RFLNA: variants seen among roughly 807,000 people sequenced by gnomAD.
The protein encoded by RFLNA is refilin A.
In RFLNA, 5 loss-of-function variants were observed where a neutral mutation model predicts 7.8. The observed-to-expected ratio is 0.64, with a 90% CI of 0.34 to 1.35. RFLNA has a LOEUF of 1.35. Ranked by LOEUF, RFLNA falls within the 40% of genes most tolerant of loss-of-function variation. The pLI, the probability that RFLNA is intolerant of heterozygous loss-of-function variation, is 0.04. For missense variants in RFLNA, 278 were observed against 305.5 expected (o/e 0.91, Z 0.67); for synonymous variants, 141 against 131.3 (o/e 1.07, Z -0.50).
intron 1 of RFLNA, among the ~76,000 whole-genome samples, chr12:124,310,544 A>G (rs796467519): frequency 3.2e-4 from 29 of 91,992 alleles, no homozygotes; most frequent in South Asian, 1.1e-3. Flanking sequence ...AGGATGGGGT[A>G]GGGGTCCTTA....
intron 2 of RFLNA, among the ~76,000 whole-genome samples, chr12:124,313,898 G>T (rs1343343051): frequency 2.0e-5 from 3 of 152,170 alleles, no homozygotes; most frequent in Non-Finnish European, 2.9e-5. Context: ...ACACGACACG[G>T]CTCAGTTTCA....
At chr12:124,290,279 T>A (rs546381593), upstream of RFLNA, among the ~76,000 whole-genome samples, 1 of 152,322 alleles carries the variant, frequency 6.6e-6, no homozygotes, top group East Asian at 1.9e-4. This position sits in a 1 kb window ranked among gnomAD's most constrained non-coding sequence, Gnocchi z 4.0. Context: ...TGTGTGTATA[T>A]GTATGTATGT....
At chr12:124,311,737 G>A (rs1212072767) in intron 1 of RFLNA, 81 bp from the exon 2 acceptor site, 2 of 1,288,280 alleles carry the variant, frequency 1.6e-6, no homozygotes, top group Admixed American at 3.1e-5. Context: ...AGGGTGTCAG[G>A]TGGTCCTGTG....
At chr12:124,304,919 G>A (rs1234341726) in intron 1 of RFLNA, among the ~76,000 whole-genome samples, 2 of 152,242 alleles carry the variant, frequency 1.3e-5, no homozygotes, top group East Asian at 3.8e-4. Context: ...GCACACAGTA[G>A]GTGCTCAGCA....
Position 124,311,897 on chromosome 12 carries a change from A to G in RFLNA, c.287A>G (p.Lys96Arg), listed in dbSNP as rs766669716. The change falls in exon 2 of 3, where the codon AAG becomes AGG. Residue 96 changes from lysine to arginine, a missense_variant. Coordinates refer to ENST00000546355, the MANE Select transcript of RFLNA (RefSeq NM_001365156.1). ...CCAGTGTTCTTTGGGGAGAGCATCA[A>G]GGTGAACCCGGAACCCACGCATGAG... ...MLPVFFGESI[K>R]VNPEPTHEIR... The G allele has an allele frequency of 6.4e-6, 10 of 1,571,420 alleles. No homozygotes were observed. Among genetic ancestry groups the G allele is most frequent in the East Asian group, 5.0e-5 (2 of 40,360 alleles).
intron 2 of RFLNA, 80 bp downstream of exon 2, chr12:124,312,007 G>T (rs575633819): frequency 1.4e-6 from 2 of 1,428,792 alleles, no homozygotes; most frequent in African/African-American, 1.5e-5. Context: ...TGGGATGGGG[G>T]TGGGGACTAG....
intron 1 of RFLNA, among the ~76,000 whole-genome samples, chr12:124,309,072 G>A (rs2034189092): frequency 1.3e-5 from 2 of 152,206 alleles, no homozygotes; most frequent in African/African-American, 2.4e-5. Flanking sequence ...CCCAGGGCAT[G>A]GCCTGCATGC....
intron 2 of RFLNA, among the ~76,000 whole-genome samples, chr12:124,312,322 T>TTC (rs928629080): frequency 5.3e-5 from 8 of 151,774 alleles, no homozygotes; most frequent in Non-Finnish European, 1.2e-4. Context: ...CCAGATTTTT[T>TTC]TTTTTTTTGA....
intron 2 of RFLNA, among the ~76,000 whole-genome samples, chr12:124,312,957 C>G (rs77967039): frequency 0.02 from 3,088 of 152,282 alleles, 108 homozygotes; most frequent in African/African-American, 0.07. Context: ...CTATGGGGCT[C>G]TCTCCATCCA....
In RFLNA at chr12:124,311,861, C is replaced by T. The variant is rs774438403; in HGVS notation, c.251C>T (p.Pro84Leu). The T allele has an allele frequency of 3.7e-6, 6 of 1,602,250 alleles. No homozygotes were observed. The Admixed American group carries it at 1.0e-4, about 27-fold the overall frequency. Residue 84 changes from proline (P) to leucine (L), a missense_variant, in exon 2 of 3, where the codon CCC (proline) becomes CTC (leucine). Coordinates refer to ENST00000546355, the MANE Select transcript of RFLNA (RefSeq NM_001365156.1). Reference protein sequence around the residue: ...LPNPPASEMRPRMLPVFFGES... With the variant: ...LPNPPASEMRLRMLPVFFGES... ...AATCCCCCGGCGTCGGAGATGAGGC[C>T]CCGGATGCTGCCAGTGTTCTTTGGG...
At chr12:124,302,762 C>CA (rs1377483915) in intron 1 of RFLNA, among the ~76,000 whole-genome samples, 85 of 115,294 alleles carry the variant, frequency 7.4e-4, no homozygotes, top group Admixed American at 1.7e-3. Flanking sequence ...TTCTCACCGC[C>CA]AGGGAGGTCA....
chr12:124,311,793 C>T, intron 1 of RFLNA, 25 bp from the exon 2 acceptor site: 1 of 1,540,892 alleles, frequency 6.5e-7, no homozygotes, highest in Non-Finnish European at 8.8e-7. Flanking sequence ...GCTGCATAAC[C>T]CCGTGTCCCT....
At chr12:124,308,982 A>G (rs996438701) in intron 1 of RFLNA, among the ~76,000 whole-genome samples, 1 of 152,204 alleles carries the variant, frequency 6.6e-6, no homozygotes. Flanking sequence ...GCGTTTTTCA[A>G]CCTACTGAAT....
At chr12:124,292,447 C>T (rs1372904623), upstream of RFLNA, among the ~76,000 whole-genome samples, 3 of 152,168 alleles carry the variant, frequency 2.0e-5, no homozygotes, top group African/African-American at 4.8e-5. Flanking sequence ...ATGGAAATTT[C>T]GTCTTTTCCT....
intron 1 of RFLNA, among the ~76,000 whole-genome samples, chr12:124,302,226 GAACTT>G (rs1363778650): frequency 6.6e-6 from 1 of 152,218 alleles, no homozygotes; most frequent in African/African-American, 2.4e-5. Flanking sequence ...TTTAGGACTT[GAACTT>G]ATCTTTGTGG....
chr12:124,304,290 A>C (rs1220368794), intron 1 of RFLNA, among the ~76,000 whole-genome samples: 1 of 152,106 alleles, frequency 6.6e-6, no homozygotes, highest in Non-Finnish European at 1.5e-5. Flanking sequence ...GAGCCGTCTC[A>C]CCGCCCAGGC....
In RFLNA at chr12:124,306,884, C is replaced by T. The variant is rs1198853651; in HGVS notation, c.208-4934C>T. Among the ~76,000 whole-genome samples the T allele has an allele frequency of 6.6e-6, 1 of 152,066 alleles. No individual in the cohort carries two copies. The highest frequency in any genetic ancestry group is 1.5e-5 in the Non-Finnish European group (1 of 68,018). On this transcript the variant is annotated intron_variant, in intron 1 of 2. Transcript: ENST00000546355. The surrounding 1 kb of genome is among the most constrained non-coding windows in gnomAD (Gnocchi z 5.2). ...CTGAGTTCACAGTTCCCGCCCAGCCCGATGTCCACCCTCCACTCCCTCTGC... is the reference window on the plus strand; with the variant it reads ...CTGAGTTCACAGTTCCCGCCCAGCCTGATGTCCACCCTCCACTCCCTCTGC...
chr12:124,296,139 T>TTTCTTCTCTTCTCTTCTCTTCTCTTC (rs2033917380), intron 1 of RFLNA, among the ~76,000 whole-genome samples: 1 of 1,466 alleles, frequency 6.8e-4, no homozygotes, highest in African/African-American at 8.0e-4. Flanking sequence ...TCTCTCTCTC[T>TTTCTTCTCTTCTCTTCTCTTCTCTTC]TCTTCTCTTC....
intron 1 of RFLNA, among the ~76,000 whole-genome samples, chr12:124,304,536 G>C (rs2034105044): frequency 6.6e-6 from 1 of 152,266 alleles, no homozygotes; most frequent in African/African-American, 2.4e-5. Flanking sequence ...CCACGTTCCA[G>C]GTGTGGTGGT....
Sources: gnomAD v4.1 joint callset for allele counts (sites outside exome capture counted in the v4.1 genomes callset) on GRCh38, gnomAD v4.1.1 for gene constraint, Gnocchi (gnomAD v3.1) non-coding constraint, MANE v1.5 for transcripts, NCBI Gene and HGNC (gene_info 2026-07-23, HGNC 2026-07-21) for gene names.